Variants in PDE4D observed in about 807,000 individuals in gnomAD.
The protein encoded by PDE4D is 3',5'-cyclic-AMP phosphodiesterase 4D.
A neutral mutation model predicts 87.4 loss-of-function variants in PDE4D; 24 were observed. That is an observed-to-expected ratio of 0.27 (90% confidence interval 0.20 to 0.39). The LOEUF (loss-of-function observed/expected upper bound fraction) is 0.39. Ranked by LOEUF, PDE4D falls within the 10% of genes least tolerant of loss-of-function variation. The probability of loss-of-function intolerance (pLI) is 1.00; values close to 1 mark genes in which losing one functional copy is unlikely to be tolerated. For missense variants in PDE4D, 714 were observed against 1,041.0 expected (o/e 0.69, Z 4.32); for synonymous variants, 384 against 383.2 (o/e 1.00, Z -0.02).
At position 59,755,660 on chromosome 5, in the gene PDE4D, G is replaced by A. The variant is rs561087437; in HGVS notation, c.455+137508C>T. ...CCATAAATCATACGCTGTTCTATTT[G>A]GCAATCACTCAATAGAAGGTCATAA... On this transcript the variant is annotated intron_variant, in intron 1 of 14. Transcript: ENST00000340635. 1.6e-4 allele frequency among the ~76,000 whole-genome samples: 24 copies of A among 151,896 alleles called. No homozygotes were observed. The South Asian group carries it at 5.0e-3, about 32-fold the overall frequency.
chr5:59,651,295 AATAATAATAATT>A (rs1441811839), intron 1 of PDE4D, among the ~76,000 whole-genome samples: 3 of 146,746 alleles, frequency 2.0e-5, no homozygotes, highest in Non-Finnish European at 4.5e-5. Context: ...TAATAATAAT[AATAATAATAATT>A]GCTAAATGAG....
chr5:59,866,453 C>G (rs1747054845), intron 1 of PDE4D, among the ~76,000 whole-genome samples: 1 of 152,026 alleles, frequency 6.6e-6, no homozygotes, highest in South Asian at 2.1e-4. Flanking sequence ...CTTATTCCAT[C>G]ACAAAGAAAA....
At chr5:59,601,099 T>C (rs1028340456) in intron 1 of PDE4D, among the ~76,000 whole-genome samples, 1 of 152,172 alleles carries the variant, frequency 6.6e-6, no homozygotes, top group Non-Finnish European at 1.5e-5. Context: ...GGTGTGCTTA[T>C]ATTAAATCAC....
chr5:59,776,656 T>C (rs1764108363), intron 1 of PDE4D, among the ~76,000 whole-genome samples: 2 of 152,180 alleles, frequency 1.3e-5, no homozygotes, highest in Admixed American at 6.5e-5. Flanking sequence ...GTTAATTTAA[T>C]ATTTGAAATC....
At chr5:59,627,670 G>C (rs972548265) in intron 1 of PDE4D, among the ~76,000 whole-genome samples, 7 of 152,280 alleles carry the variant, frequency 4.6e-5, no homozygotes, top group Admixed American at 4.6e-4. Context: ...TGAAGCATCA[G>C]ATTTTTATGT....
chr5:60,225,904 C>T (rs1029683151), intron 1 of PDE4D, among the ~76,000 whole-genome samples: 7 of 152,002 alleles, frequency 4.6e-5, no homozygotes, highest in Non-Finnish European at 1.0e-4. Flanking sequence ...GAATTTATAC[C>T]TTGGTAATCT....
chr5:59,608,450 A>T (rs922095150), intron 1 of PDE4D, among the ~76,000 whole-genome samples: 1 of 152,168 alleles, frequency 6.6e-6, no homozygotes, highest in Non-Finnish European at 1.5e-5. Flanking sequence ...CTTTAAAAAT[A>T]AAGAAAATAT....
At chr5:59,410,026 A>C (rs1173931328) in intron 1 of PDE4D, among the ~76,000 whole-genome samples, 1 of 152,208 alleles carries the variant, frequency 6.6e-6, no homozygotes, top group African/African-American at 2.4e-5. Flanking sequence ...CATCAGGATA[A>C]ATGGAGGAGC....
At chr5:59,451,560 C>T (rs77489282) in intron 1 of PDE4D, among the ~76,000 whole-genome samples, 3,028 of 152,296 alleles carry the variant, frequency 0.02, 106 homozygotes, top group African/African-American at 0.07. Context: ...AGAACCTCAG[C>T]TACCCAGTTG....
chr5:59,930,157 C>T (rs1486580915), intron 3 of PDE4D, among the ~76,000 whole-genome samples: 3 of 98,104 alleles, frequency 3.1e-5, no homozygotes, highest in African/African-American at 1.4e-4. Flanking sequence ...AGCGAGACTC[C>T]GTCTCCAAAA....
chr5:59,109,388 C>T (rs1358116416), intron 5 of PDE4D, among the ~76,000 whole-genome samples: 1 of 152,162 alleles, frequency 6.6e-6, no homozygotes, highest in African/African-American at 2.4e-5. Flanking sequence ...AGTATGGGTG[C>T]TATAAGAAGC....
At chr5:59,348,621 A>G (rs1779989768) in intron 1 of PDE4D, among the ~76,000 whole-genome samples, 2 of 92,972 alleles carry the variant, frequency 2.2e-5, no homozygotes, top group South Asian at 4.2e-4. Flanking sequence ...TTCACTTCAA[A>G]GCTTTTTTTT....
At chr5:60,448,589 G>A (rs1048379803) in intron 1 of PDE4D, 1 of 152,026 alleles carries the variant, frequency 6.6e-6, no homozygotes, top group African/African-American at 2.4e-5. Flanking sequence ...TTTCCCCCAC[G>A]TTTCATCAAC....
chr5:59,243,448 CTT>C (rs767287011), intron 1 of PDE4D, among the ~76,000 whole-genome samples: 10 of 72,296 alleles, frequency 1.4e-4, no homozygotes, highest in African/African-American at 3.1e-4. Context: ...TTAAAATAAC[CTT>C]TTTTTTTTTT....
At chr5:59,880,939 A>G (rs1749341330) in intron 1 of PDE4D, among the ~76,000 whole-genome samples, 1 of 152,180 alleles carries the variant, frequency 6.6e-6, no homozygotes, top group South Asian at 2.1e-4. Context: ...ATTCCATGTC[A>G]ACAGAAGTAA....
At chr5:60,413,939 T>C (rs1742262165) in intron 1 of PDE4D, among the ~76,000 whole-genome samples, 1 of 152,194 alleles carries the variant, frequency 6.6e-6, no homozygotes, top group Non-Finnish European at 1.5e-5. Context: ...GTCAAACTTT[T>C]TACAGTTCTA....
intron 1 of PDE4D, among the ~76,000 whole-genome samples, chr5:60,468,137 C>CTTTTTTTTTTTTTTTTTTTTTTTTTT (rs570783072): frequency 1.4e-5 from 2 of 141,216 alleles, no homozygotes; most frequent in African/African-American, 5.4e-5. Context: ...TTTCTTTTTT[C>CTTTTTTTTTTTTTTTTTTTTTTTTTT]TTTTTTTTTT....
intron 1 of PDE4D, among the ~76,000 whole-genome samples, chr5:59,291,087 C>A (rs951760406): frequency 1.3e-5 from 2 of 151,870 alleles, no homozygotes; most frequent in African/African-American, 2.4e-5. Context: ...TAAGTACATA[C>A]CCAAAAGAAA....
chr5:59,918,063 T>G (rs1254828205), intron 3 of PDE4D, among the ~76,000 whole-genome samples: 2 of 151,852 alleles, frequency 1.3e-5, no homozygotes, highest in Non-Finnish European at 2.9e-5. Flanking sequence ...AAGAGAAAAT[T>G]TGTGGGATAA....
Sources: gnomAD v4.1 joint callset for allele counts (sites outside exome capture counted in the v4.1 genomes callset) on GRCh38, gnomAD v4.1.1 for gene constraint, MANE v1.5 for transcripts, NCBI Gene and HGNC (gene_info 2026-07-23, HGNC 2026-07-21) for gene names.